HDGFL3: variants seen among roughly 807,000 people sequenced by gnomAD.
HDGFL3 encodes the protein hepatoma-derived growth factor-related protein 3.
Under a neutral mutation model 27.6 loss-of-function variants are expected in HDGFL3, and 6 were observed. The observed-to-expected ratio is 0.22, with a 90% CI of 0.12 to 0.43. The LOEUF is 0.43. Ranked by LOEUF, HDGFL3 falls within the 20% of genes least tolerant of loss-of-function variation. The pLI, the probability that HDGFL3 is intolerant of heterozygous loss-of-function variation, is 1.00. For missense variants in HDGFL3, 207 were observed against 250.1 expected (o/e 0.83, Z 1.16); for synonymous variants, 88 against 88.9 (o/e 0.99, Z 0.05).
chr15:83,198,054 CAAAAAA>C (rs766372255), intron 1 of HDGFL3, among the ~76,000 whole-genome samples: 3 of 57,596 alleles, frequency 5.2e-5, no homozygotes, highest in African/African-American at 1.9e-4. Context: ...GACTCCGTCT[CAAAAAA>C]AAAAAAAAAA....
chr15:83,123,216 T>C (rs1401893198), downstream of HDGFL3, among the ~76,000 whole-genome samples: 2 of 152,162 alleles, frequency 1.3e-5, no homozygotes, highest in Non-Finnish European at 2.9e-5. Context: ...GGCCTGGACG[T>C]TGAACACCTG....
At chr15:83,198,219 G>A (rs1389986637) in intron 1 of HDGFL3, among the ~76,000 whole-genome samples, 1 of 151,994 alleles carries the variant, frequency 6.6e-6, no homozygotes, top group Non-Finnish European at 1.5e-5. Context: ...ATACACTATT[G>A]CTTTAATTTA....
At position 83,157,957 on chromosome 15, in the gene HDGFL3, G is replaced by A. The variant is rs145113533; in HGVS notation, c.246C>T (p.Asn82=). 8.1e-5 allele frequency: 130 copies of A among 1,612,348 alleles called. 1 individual carries two copies. Among genetic ancestry groups the A allele is most frequent in the East Asian group, 4.0e-4 (18 of 44,812 alleles). ...TATTTTCTATTTCCCACAATCCTTC[G>A]TTAAATCCTTTCCGTTTGTTTGACT... is the stretch of plus-strand genomic sequence containing the variant. ...FGKSNKRKGF[N]EGLWEIENNP... is the part of the protein sequence containing the mutation. Residue 82 remains asparagine, a synonymous_variant, in exon 3 of 6, where the codon AAC becomes AAT. Transcript: ENST00000299633.
In HDGFL3 at chr15:83,131,089, C is replaced by T. The variant is rs890296401; in HGVS notation, c.*8181G>A. 3 of 151,670 alleles carry T rather than the reference C, an allele frequency of 2.0e-5. No individual in the cohort carries two copies. Among genetic ancestry groups the T allele is most frequent in the Non-Finnish European group, 4.4e-5 (3 of 67,874 alleles). 9.4% of individuals were successfully genotyped at this position (151,670 alleles called of 1,614,324 possible). Reference sequence around the variant, plus strand: ...CCCAGGTGACAGAGAGAGACCCTGTCTCTCCCACCACCACAAAAAAACAAA... The same window carrying T: ...CCCAGGTGACAGAGAGAGACCCTGTTTCTCCCACCACCACAAAAAAACAAA... On this transcript the variant is annotated 3_prime_UTR_variant, in exon 6 of 6. Transcript: ENST00000299633.
At chr15:83,145,037 G>T (rs2036862882) in intron 5 of HDGFL3, among the ~76,000 whole-genome samples, 1 of 151,586 alleles carries the variant, frequency 6.6e-6, no homozygotes, top group Non-Finnish European at 1.5e-5. Context: ...TGGCAGAAGG[G>T]AGGAAGTACT....
At chr15:83,185,141 A>T (rs1479196733) in intron 1 of HDGFL3, 1 of 152,378 alleles carries the variant, frequency 6.6e-6, no homozygotes, top group Admixed American at 6.5e-5. Context: ...CTCCTGCCTC[A>T]GCCTCCCGAG....
At chr15:83,123,797 G>A (rs764864010), downstream of HDGFL3, among the ~76,000 whole-genome samples, 18 of 152,230 alleles carry the variant, frequency 1.2e-4, no homozygotes, top group Non-Finnish European at 2.2e-4. Flanking sequence ...TGTGTCAACA[G>A]AGTAGGTATG....
intron 1 of HDGFL3, among the ~76,000 whole-genome samples, chr15:83,173,211 C>T (rs1447293692): frequency 2.0e-5 from 3 of 152,184 alleles, no homozygotes; most frequent in Admixed American, 1.3e-4. Flanking sequence ...AATTCATACA[C>T]ATTTAGTAGA....
At chr15:83,177,789 C>T (rs554520257) in intron 1 of HDGFL3, among the ~76,000 whole-genome samples, 1 of 152,226 alleles carries the variant, frequency 6.6e-6, no homozygotes, top group Non-Finnish European at 1.5e-5. Flanking sequence ...ATATTATGCA[C>T]GTTCATGAAC....
chr15:83,177,923 T>C (rs974317026), intron 1 of HDGFL3, among the ~76,000 whole-genome samples: 7 of 152,188 alleles, frequency 4.6e-5, no homozygotes, highest in African/African-American at 1.7e-4. Context: ...TTAAAAACAA[T>C]AGTGGTACAG....
chr15:83,179,015 CCTT>C (rs2037348412), intron 1 of HDGFL3, among the ~76,000 whole-genome samples: 1 of 152,172 alleles, frequency 6.6e-6, no homozygotes, highest in Non-Finnish European at 1.5e-5. Context: ...CAAAAACCCT[CCTT>C]ATCAAACAGA....
chr15:83,164,333 C>T (rs902619080), intron 1 of HDGFL3, among the ~76,000 whole-genome samples: 12 of 116,696 alleles, frequency 1.0e-4, no homozygotes, highest in South Asian at 8.4e-4. Context: ...AGAATTATTC[C>T]GGGGAATCTG....
intron 5 of HDGFL3, among the ~76,000 whole-genome samples, chr15:83,140,566 C>T (rs1366420294): frequency 1.3e-5 from 2 of 149,784 alleles, no homozygotes; most frequent in African/African-American, 4.9e-5. Flanking sequence ...ACTGCAACCT[C>T]CACCTCCCCG....
intron 1 of HDGFL3, among the ~76,000 whole-genome samples, chr15:83,204,695 G>A (rs948745251): frequency 7.2e-5 from 11 of 152,140 alleles, no homozygotes; most frequent in African/African-American, 2.4e-4. Context: ...AAAGGAAAAA[G>A]GTAGGAACAT....
chr15:83,148,600 C>T (rs536254318), intron 5 of HDGFL3, among the ~76,000 whole-genome samples: 5 of 150,604 alleles, frequency 3.3e-5, no homozygotes, highest in Admixed American at 6.6e-5. Context: ...CCAGCCTGGG[C>T]GACAGAGTGA....
At chr15:83,115,584 C>A (rs2034584266) in exon 4 of HDGFL3, 12 of 605,778 alleles carry the variant, frequency 2.0e-5, no homozygotes, top group South Asian at 1.9e-4. Context: ...TGTGACTGAG[C>A]CGGCAGTGAC....
intron 1 of HDGFL3, among the ~76,000 whole-genome samples, chr15:83,197,782 T>C (rs765567897): frequency 2.4e-4 from 36 of 152,222 alleles, no homozygotes; most frequent in Middle Eastern, 3.4e-3. Context: ...AAGTCAATTA[T>C]AGGCCGGGCA....
chr15:83,131,933 C>T lies in HDGFL3; in HGVS notation c.*7337G>A, dbSNP rs1451935681. ...TTTCCTATCAATTGAAGCATTTTCT[C>T]TGCTAAAATATCAATGAAAATGAAA... On this transcript the variant is annotated 3_prime_UTR_variant, in exon 6 of 6. Coordinates refer to ENST00000299633, the MANE Select transcript of HDGFL3 (RefSeq NM_016073.4). 2 of 152,128 alleles carry T rather than the reference C, an allele frequency of 1.3e-5. No individual in the cohort carries two copies. The highest frequency in any genetic ancestry group is 4.8e-5 in the African/African-American group (2 of 41,422). The allele number at this position is 152,128 out of a possible 1,614,324, so 9.4% of individuals were successfully genotyped here.
chr15:83,178,795 T>C (rs982317426), intron 1 of HDGFL3, among the ~76,000 whole-genome samples: 2 of 152,244 alleles, frequency 1.3e-5, no homozygotes, highest in African/African-American at 4.8e-5. Flanking sequence ...TATTCTCAGA[T>C]GTCTATGCTC....
Sources: allele counts gnomAD v4.1 joint callset (sites outside exome capture counted in the v4.1 genomes callset), GRCh38; gene constraint gnomAD v4.1.1; transcripts MANE v1.5; gene names NCBI Gene and HGNC (gene_info 2026-07-23, HGNC 2026-07-21).